The following ACOT11 variants were observed in gnomAD, a reference collection of about 807,000 sequenced individuals.
The protein encoded by ACOT11 is acyl-CoA thioesterase 11, also known as acyl-coenzyme A thioesterase 11.
A neutral mutation model predicts 77.5 loss-of-function variants in ACOT11; 69 were observed. The ratio of observed to expected loss-of-function variants is 0.89; its 90% CI spans 0.73 to 1.09. The LOEUF is 1.09. Ranked by LOEUF, ACOT11 falls within the 50% of genes least tolerant of loss-of-function variation. The probability of loss-of-function intolerance (pLI) is 0.00; values close to 1 mark genes in which losing one functional copy is unlikely to be tolerated. For missense variants in ACOT11, 766 were observed against 813.7 expected (o/e 0.94, Z 0.71); for synonymous variants, 279 against 313.0 (o/e 0.89, Z 1.15).
intron 1 of ACOT11, among the ~76,000 whole-genome samples, chr1:54,567,141 G>A (rs1024863501): frequency 6.6e-6 from 1 of 152,078 alleles, no homozygotes; most frequent in Non-Finnish European, 1.5e-5. Context: ...CTCTTTAAAT[G>A]TTTAATAGGA....
Position 54,557,748 on chromosome 1 carries a change from A to AT in ACOT11, c.33+9409dup, listed in dbSNP as rs1171994018. Among the ~76,000 whole-genome samples, 33 of 152,230 alleles carry AT rather than the reference A, an allele frequency of 2.2e-4. No homozygotes were observed. In the East Asian group the frequency reaches 2.7e-3, roughly 12 times the overall value. On this transcript the variant is annotated intron_variant, in intron 1 of 15. Coordinates refer to ENST00000343744, the MANE Select transcript of ACOT11 (RefSeq NM_147161.4). ...ATTTTGTATCCTGCAACTTTACTGA[A>AT]TTTATTATTCCTACCAGTTTTTTAG...
exon 17 of ACOT11, chr1:54,637,760 CG>C (rs1346537875): frequency 1.3e-5 from 2 of 151,816 alleles, no homozygotes; most frequent in African/African-American, 2.4e-5. Flanking sequence ...GCATTCCAGC[CG>C]GGGTAAGAGA....
At chr1:54,563,538 G>A (rs1653625541) in intron 1 of ACOT11, among the ~76,000 whole-genome samples, 1 of 152,220 alleles carries the variant, frequency 6.6e-6, no homozygotes, top group Non-Finnish European at 1.5e-5. Context: ...TGCTTAGTAA[G>A]GATGCACCAG....
At chr1:54,579,054 T>C (rs1002519605) in intron 1 of ACOT11, among the ~76,000 whole-genome samples, 5 of 152,208 alleles carry the variant, frequency 3.3e-5, no homozygotes, top group Non-Finnish European at 7.3e-5. Context: ...AATTAAGATG[T>C]TTGATAGGAC....
chr1:54,580,773 A>G (rs300268), intron 1 of ACOT11, among the ~76,000 whole-genome samples: 60,785 of 152,194 alleles, frequency 0.4, 14,055 homozygotes, highest in Non-Finnish European at 0.54. Flanking sequence ...GGTCAGTGCC[A>G]TGATGGAGAT....
intron 1 of ACOT11, among the ~76,000 whole-genome samples, chr1:54,550,500 AAAGCAAAC>A (rs1235079733): frequency 6.6e-6 from 1 of 152,152 alleles, no homozygotes; most frequent in Non-Finnish European, 1.5e-5. Context: ...TTTTTAATGA[AAAGCAAAC>A]AAGCAAACAA....
intron 1 of ACOT11, among the ~76,000 whole-genome samples, chr1:54,576,354 T>C (rs1654113046): frequency 1.3e-5 from 2 of 151,766 alleles, no homozygotes; most frequent in Non-Finnish European, 2.9e-5. Flanking sequence ...AACAAAAAAT[T>C]AGCTGGGTGG....
intron 8 of ACOT11, among the ~76,000 whole-genome samples, chr1:54,600,070 T>G (rs1305641892): frequency 3.9e-5 from 6 of 152,192 alleles, no homozygotes; most frequent in African/African-American, 9.6e-5. Context: ...CTCAGAGTTA[T>G]GAGGATTCAA....
At chr1:54,588,887 T>TG (rs1444345600) in intron 3 of ACOT11, among the ~76,000 whole-genome samples, 4 of 152,142 alleles carry the variant, frequency 2.6e-5, no homozygotes, top group Non-Finnish European at 4.4e-5. Context: ...GGGAGGGGCC[T>TG]GGAGCATGGT....
rs1400084580 is a variant in ACOT11, at chr1:54,607,508, G to C, written c.1502+243G>C. The stretch of plus-strand genomic sequence containing the variant: ...TAGAGCAGGGCCACCCTTACCCAGG[G>C]TGGCTCAGGCTGCCTCGATGCAGGC... On this transcript the variant is annotated intron_variant, in intron 14 of 15. Coordinates refer to ENST00000343744, the MANE Select transcript of ACOT11 (RefSeq NM_147161.4). This position sits in a 1 kb window ranked among gnomAD's most constrained non-coding sequence, Gnocchi z 4.5. 6.6e-6 allele frequency among the ~76,000 whole-genome samples: 1 copy of C among 152,132 alleles called. No homozygotes were observed. Among genetic ancestry groups the C allele is most frequent in the East Asian group, 1.9e-4 (1 of 5,178 alleles).
intron 1 of ACOT11, among the ~76,000 whole-genome samples, chr1:54,561,171 G>A (rs1356120782): frequency 1.4e-5 from 2 of 143,134 alleles, no homozygotes; most frequent in South Asian, 2.4e-4. Context: ...GCAGGGTCAT[G>A]GGACAATAGT....
intron 1 of ACOT11, among the ~76,000 whole-genome samples, chr1:54,581,141 AC>A (rs370257367): frequency 3.3e-5 from 5 of 152,216 alleles, no homozygotes; most frequent in Non-Finnish European, 7.4e-5. Flanking sequence ...AGTTATGAGG[AC>A]CAGGTCTCCC....
rs183117872 is a variant in ACOT11 at position 54,632,599 on chromosome 1, G to A, written c.1782+1713G>A. Among the ~76,000 whole-genome samples, 778 of 152,296 alleles carry A rather than the reference G, an allele frequency of 5.1e-3. 3 individuals carry two copies. The highest frequency in any genetic ancestry group is 0.01 in the Middle Eastern group (3 of 294). On this transcript the variant is annotated intron_variant, in intron 16 of 16. Coordinates refer to the ACOT11 transcript ENST00000371316. ...GTGCCGTATGTGGGAATGGGAAAAA[G>A]TGAAATTAAACGAACAGGAGAATTT...
At chr1:54,624,644 G>T (rs1006975215) in intron 15 of ACOT11, among the ~76,000 whole-genome samples, 3 of 152,152 alleles carry the variant, frequency 2.0e-5, no homozygotes, top group African/African-American at 7.2e-5. Context: ...GCGGTGAGGG[G>T]TGTCAATGGG....
rs552336205 is a variant in ACOT11, at chr1:54,603,098, A to G, written c.1085+374A>G. Among the ~76,000 whole-genome samples the G allele has an allele frequency of 2.6e-5, 4 of 152,330 alleles. No individual in the cohort carries two copies. In the East Asian group the frequency reaches 7.7e-4, roughly 29 times the overall value. On this transcript the variant is annotated intron_variant, in intron 10 of 15. Transcript: ENST00000343744. ...GTTCAAGAGGTAAAGCCACTTTGGG[A>G]GGCCGAGGCAGGCAGATCCCCTGAG...
intron 1 of ACOT11, among the ~76,000 whole-genome samples, chr1:54,551,260 A>G (rs1034925084): frequency 3.3e-5 from 5 of 152,100 alleles, no homozygotes; most frequent in African/African-American, 1.2e-4. Flanking sequence ...CCCACTTTGC[A>G]TGGTTGGGGG....
chr1:54,635,221 G>A, exon 17 of ACOT11: 1 of 225,646 alleles, frequency 4.4e-6, no homozygotes, highest in Non-Finnish European at 8.7e-6. Context: ...GATTCCTATG[G>A]AATCATTACT....
At position 54,594,623 on chromosome 1, in the gene ACOT11, G is replaced by A. The variant is rs1270433773; in HGVS notation, c.539G>A (p.Arg180His). The change falls in exon 6 of 16, where the codon CGC (arginine) becomes CAC (histidine). Residue 180 changes from arginine (R) to histidine (H), a missense_variant. Transcript: ENST00000343744. ...EKMEHSVAAE[R>H]RRMRLVYADT... is the part of the protein sequence containing the mutation. ...ATGGAGCACAGTGTGGCGGCTGAGC[G>A]CCGGCGCATGCGCCTTGTCTATGCA... 2 of 1,614,130 alleles carry A rather than the reference G, an allele frequency of 1.2e-6. No individual in the cohort carries two copies. The highest frequency in any genetic ancestry group is 8.5e-7 in the Non-Finnish European group (1 of 1,180,006).
chr1:54,594,145 G>A (rs918115257), intron 5 of ACOT11, 106 bp downstream of exon 5: 1 of 985,396 alleles, frequency 1.0e-6, no homozygotes, highest in Non-Finnish European at 1.5e-6. Flanking sequence ...GAGGGGATGG[G>A]GAGGGACACA....
Sources: gnomAD v4.1 joint callset for allele counts (sites outside exome capture counted in the v4.1 genomes callset) on GRCh38, gnomAD v4.1.1 for gene constraint, Gnocchi (gnomAD v3.1) non-coding constraint, MANE v1.5 for transcripts, NCBI Gene and HGNC (gene_info 2026-07-23, HGNC 2026-07-21) for gene names.